The following CRIM1 variants were observed in gnomAD, a reference collection of about 807,000 sequenced individuals.
The protein encoded by CRIM1 is cysteine rich transmembrane BMP regulator 1, also known as cysteine-rich motor neuron 1 protein.
CRIM1 carries 32 observed loss-of-function variants against 116.4 expected under a neutral mutation model. The ratio of observed to expected loss-of-function variants is 0.27; its 90% CI spans 0.21 to 0.37. The LOEUF (loss-of-function observed/expected upper bound fraction) is 0.37. CRIM1 is among the 10% of genes least tolerant of loss of function. The pLI is 1.00. For missense variants in CRIM1, 1,331 were observed against 1,354.8 expected, an observed-to-expected ratio of 0.98 and a Z score of 0.28; for synonymous variants, 590 against 509.2, an observed-to-expected ratio of 1.16 and a Z score of -2.13.
intron 1 of CRIM1, among the ~76,000 whole-genome samples, chr2:36,392,178 C>T (rs541888015): frequency 2.0e-5 from 3 of 152,280 alleles, no homozygotes; most frequent in African/African-American, 7.2e-5. Flanking sequence ...ATACCTGGCA[C>T]TTCACTGTAG....
intron 13 of CRIM1, among the ~76,000 whole-genome samples, chr2:36,530,148 T>C (rs2125148662): frequency 6.6e-6 from 1 of 152,356 alleles, no homozygotes; most frequent in Non-Finnish European, 1.5e-5. Context: ...CCTGACAGAA[T>C]GACTGTGTAT....
rs1406375900 is a variant in CRIM1 at position 36,447,855 on chromosome 2, C to G, written c.869+5120C>G. On this transcript the variant is annotated intron_variant, in intron 4 of 16. Coordinates refer to ENST00000280527, the MANE Select transcript of CRIM1 (RefSeq NM_016441.3). ...GGTGGTGTGTTTCAGAAACGTGATTCTTTTCCAAAAACTCATGCCCTTCTG... is the reference window on the plus strand; with the variant it reads ...GGTGGTGTGTTTCAGAAACGTGATTGTTTTCCAAAAACTCATGCCCTTCTG... 3.9e-5 allele frequency among the ~76,000 whole-genome samples: 6 copies of G among 152,162 alleles called. No individual in the cohort carries two copies. The South Asian group carries it at 1.2e-3, about 32-fold the overall frequency.
Position 36,494,977 on chromosome 2 carries a change from T to C in CRIM1, c.1373-4242T>C, listed in dbSNP as rs375931734. Among the ~76,000 whole-genome samples the C allele has an allele frequency of 2.6e-5, 4 of 152,142 alleles. No homozygotes were observed. The East Asian group carries it at 5.8e-4, about 22-fold the overall frequency. The stretch of plus-strand genomic sequence containing the variant: ...CACCTCTGTGCAAGGATTTCCTCAT[T>C]CTCCTAAATGAGGAAATCTAAGAAC... On this transcript the variant is annotated intron_variant, in intron 7 of 16. Transcript: ENST00000280527.
chr2:36,522,396 TA>T, intron 13 of CRIM1, 83 bp downstream of exon 13: 1 of 1,136,748 alleles, frequency 8.8e-7, no homozygotes, highest in Non-Finnish European at 1.3e-6. Context: ...GATCAATTAA[TA>T]TTTTTGAAAC....
chr2:36,401,639 A>C (rs543533152), intron 2 of CRIM1, among the ~76,000 whole-genome samples: 1 of 152,200 alleles, frequency 6.6e-6, no homozygotes, highest in Admixed American at 6.5e-5. Context: ...TCAATACCAA[A>C]GGTTTCCATG....
intron 1 of CRIM1, among the ~76,000 whole-genome samples, chr2:36,388,957 CTTG>C (rs1365475895): frequency 6.6e-6 from 1 of 152,082 alleles, no homozygotes; most frequent in African/African-American, 2.4e-5. Context: ...AATCAGTGTT[CTTG>C]TTGTTTGTTA....
intron 13 of CRIM1, among the ~76,000 whole-genome samples, chr2:36,526,895 C>A (rs1472344280): frequency 1.3e-5 from 2 of 152,200 alleles, no homozygotes; most frequent in Admixed American, 1.3e-4. Flanking sequence ...TCAGGTATGT[C>A]CCCCAGTTAA....
intron 5 of CRIM1, 38 bp downstream of exon 5, chr2:36,464,693 T>C: frequency 6.2e-7 from 1 of 1,606,568 alleles, no homozygotes; most frequent in Non-Finnish European, 8.5e-7. Flanking sequence ...GAGTGTACAT[T>C]TGTGCAGAGG....
At chr2:36,413,211 TC>T (rs1673343723) in intron 2 of CRIM1, among the ~76,000 whole-genome samples, 1 of 152,158 alleles carries the variant, frequency 6.6e-6, no homozygotes, top group African/African-American at 2.4e-5. Flanking sequence ...TTGTTAAATG[TC>T]AGTGAAATGT....
chr2:36,384,410 G>A (rs1382225675), intron 1 of CRIM1, among the ~76,000 whole-genome samples: 5 of 152,212 alleles, frequency 3.3e-5, no homozygotes, highest in Non-Finnish European at 7.3e-5. Flanking sequence ...GGCTTGTGCT[G>A]TCATCTCTGG....
rs1353111792 is a variant in CRIM1, at chr2:36,513,708, G to A, written c.1933G>A (p.Val645Met). Residue 645 changes from valine to methionine, a missense_variant, in exon 11 of 17, where the codon GTG becomes ATG. Physicochemically the swap from Val to Met is conservative, Grantham distance 21. Around this residue, in one of 3 missense-constraint regions of CRIM1, gnomAD observed 358 missense variants for 436.1 expected, o/e 0.82. Coordinates refer to ENST00000280527, the MANE Select transcript of CRIM1 (RefSeq NM_016441.3). ...REMCALITCP[V>M]PACGNPTIHP... ...AATGTGTGCCCTGATCACCTGCCCG[G>A]TGCCTGCCTGTGGCAACCCCACCAT... The A allele has an allele frequency of 6.2e-7, 1 of 1,614,188 alleles. No homozygotes were observed. Among genetic ancestry groups the A allele is most frequent in the Middle Eastern group, 1.6e-4 (1 of 6,062 alleles).
chr2:36,444,402 C>T (rs1676089677), intron 4 of CRIM1, among the ~76,000 whole-genome samples: 2 of 152,266 alleles, frequency 1.3e-5, no homozygotes, highest in Admixed American at 6.5e-5. Context: ...GATTTCTTTC[C>T]GTCTGGATGG....
intron 1 of CRIM1, among the ~76,000 whole-genome samples, chr2:36,371,212 G>T (rs963131418): frequency 2.6e-5 from 4 of 152,064 alleles, no homozygotes; most frequent in Non-Finnish European, 2.9e-5. Context: ...TCTTTCCTTT[G>T]TGAAGCCTTC....
At chr2:36,537,292 T>G in intron 13 of CRIM1, 60 bp from the exon 14 acceptor site, 2 of 1,469,926 alleles carry the variant, frequency 1.4e-6, no homozygotes, top group Non-Finnish European at 1.9e-6. Context: ...CTCTCACGTC[T>G]AATAAGATCG....
chr2:36,467,458 G>A (rs1292072409), intron 5 of CRIM1, among the ~76,000 whole-genome samples: 1 of 152,116 alleles, frequency 6.6e-6, no homozygotes, highest in Non-Finnish European at 1.5e-5. Flanking sequence ...TAGTGTCCTG[G>A]AAAAATCTGT....
chr2:36,394,060 C>T (rs1431023882), intron 1 of CRIM1, among the ~76,000 whole-genome samples: 1 of 152,056 alleles, frequency 6.6e-6, no homozygotes, highest in Non-Finnish European at 1.5e-5. Context: ...TGTGGTAATT[C>T]AGGAGAGTGG....
At chr2:36,360,846 A>G (rs887325336) in intron 1 of CRIM1, among the ~76,000 whole-genome samples, 12 of 152,118 alleles carry the variant, frequency 7.9e-5, no homozygotes, top group Non-Finnish European at 1.5e-4. Flanking sequence ...ATCAGCTTCT[A>G]TAGTTAGAAA....
chr2:36,384,073 G>C (rs1482749940), intron 1 of CRIM1, among the ~76,000 whole-genome samples: 1 of 152,226 alleles, frequency 6.6e-6, no homozygotes, highest in Admixed American at 6.5e-5. Context: ...AAATAAAGCT[G>C]AGAAAGGGGA....
chr2:36,535,271 G>A (rs1666464572), intron 13 of CRIM1, among the ~76,000 whole-genome samples: 1 of 152,034 alleles, frequency 6.6e-6, no homozygotes, highest in Non-Finnish European at 1.5e-5. Flanking sequence ...GAAGTTCAGA[G>A]TACTACTTAA....
Sources: gnomAD v4.1 joint callset for allele counts (sites outside exome capture counted in the v4.1 genomes callset) on GRCh38, gnomAD v4.1.1 for gene constraint, gnomAD v4.1.1 regional missense constraint, MANE v1.5 for transcripts, NCBI Gene and HGNC (gene_info 2026-07-23, HGNC 2026-07-21) for gene names.